Variants in BNC2 observed in about 807,000 individuals in gnomAD.
BNC2 encodes basonuclin zinc finger protein 2.
BNC2 carries 20 observed loss-of-function variants against 76.3 expected under a neutral mutation model. The observed-to-expected ratio is 0.26, with a 90% CI of 0.18 to 0.38. BNC2 has a LOEUF of 0.38. BNC2 is among the 10% of genes least tolerant of loss of function. The pLI, the probability that BNC2 is intolerant of heterozygous loss-of-function variation, is 1.00. For synonymous variants in BNC2, 582 were observed against 514.8 expected (o/e 1.13, Z -1.77); for missense variants, 1,382 against 1,399.8 (o/e 0.99, Z 0.20).
intron 1 of BNC2, among the ~76,000 whole-genome samples, chr9:16,847,400 G>GT (rs1491337137): frequency 3.4e-5 from 1 of 29,780 alleles, no homozygotes; most frequent in Non-Finnish European, 1.3e-4. Context: ...ATTTCTCGGG[G>GT]CGGGGGGGGG....
intron 3 of BNC2, among the ~76,000 whole-genome samples, chr9:16,621,675 T>A (rs180813473): frequency 2.2e-4 from 33 of 152,244 alleles, no homozygotes; most frequent in African/African-American, 6.5e-4. Context: ...ATTGGACTGG[T>A]GTCTAGACCT....
At chr9:16,762,710 A>G in intron 1 of BNC2, among the ~76,000 whole-genome samples, 1 of 152,214 alleles carries the variant, frequency 6.6e-6, no homozygotes, top group Non-Finnish European at 1.5e-5. Flanking sequence ...AAAGAGAAAG[A>G]TAACCTGACC....
chr9:16,743,953 G>A (rs1824924158), intron 1 of BNC2, among the ~76,000 whole-genome samples: 1 of 68,212 alleles, frequency 1.5e-5, no homozygotes, highest in South Asian at 5.4e-4. Context: ...CCTACAGACT[G>A]CAGTTTGTTT....
intron 1 of BNC2, among the ~76,000 whole-genome samples, chr9:16,806,095 T>C (rs1477817062): frequency 6.6e-6 from 1 of 152,172 alleles, no homozygotes; most frequent in African/African-American, 2.4e-5. Flanking sequence ...GGGAGAATAC[T>C]GAAGATTAAA....
intron 6 of BNC2, among the ~76,000 whole-genome samples, chr9:16,425,748 A>C (rs1280971402): frequency 6.6e-6 from 1 of 152,224 alleles, no homozygotes; most frequent in Non-Finnish European, 1.5e-5. Context: ...GGCAGAGGCA[A>C]ACATGTCTTT....
Position 16,422,479 on chromosome 9 carries a change from C to T in BNC2, c.2640-2830G>A, listed in dbSNP as rs188574558. ...CATAACTTCAGTACACGGGTTCATT[C>T]ATGGTAGTCGATTTCCATTATGCAA... On this transcript the variant is annotated intron_variant, in intron 6 of 6. Transcript: ENST00000380672. 2.0e-4 allele frequency among the ~76,000 whole-genome samples: 30 copies of T among 152,312 alleles called. No individual in the cohort carries two copies. In the East Asian group the frequency reaches 5.8e-3, roughly 29 times the overall value.
intron 1 of BNC2, among the ~76,000 whole-genome samples, chr9:16,797,401 A>G (rs1817684150): frequency 6.6e-6 from 1 of 152,202 alleles, no homozygotes; most frequent in African/African-American, 2.4e-5. Flanking sequence ...AAATACATAT[A>G]TGCCCCTCCC....
intron 3 of BNC2, among the ~76,000 whole-genome samples, chr9:16,609,085 G>C (rs1183501145): frequency 6.6e-6 from 1 of 152,116 alleles, no homozygotes; most frequent in Non-Finnish European, 1.5e-5. Context: ...AATGAAAGGG[G>C]ATACAGCAGG....
intron 3 of BNC2, among the ~76,000 whole-genome samples, chr9:16,658,892 A>G (rs898871671): frequency 6.6e-6 from 1 of 152,202 alleles, no homozygotes; most frequent in South Asian, 2.1e-4. Flanking sequence ...TGAAGGACAC[A>G]TTAGATTTTA....
At chr9:16,703,286 C>T (rs560801840) in intron 3 of BNC2, among the ~76,000 whole-genome samples, 1 of 152,158 alleles carries the variant, frequency 6.6e-6, no homozygotes, top group Admixed American at 6.5e-5. Flanking sequence ...ACATTAACTA[C>T]TTTTTCTAGT....
chr9:16,496,004 G>A (rs982071202), intron 5 of BNC2, among the ~76,000 whole-genome samples: 2 of 151,246 alleles, frequency 1.3e-5, no homozygotes, highest in Non-Finnish European at 2.9e-5. Flanking sequence ...CACCTCCTGG[G>A]TTCAAGTGAT....
chr9:16,640,960 A>G (rs1681548307), intron 3 of BNC2, among the ~76,000 whole-genome samples: 1 of 152,210 alleles, frequency 6.6e-6, no homozygotes, highest in Admixed American at 6.5e-5. Context: ...AGCTCTAGAA[A>G]GAGTTAAGAC....
At chr9:16,483,587 T>C (rs1822103866) in intron 5 of BNC2, among the ~76,000 whole-genome samples, 1 of 152,252 alleles carries the variant, frequency 6.6e-6, no homozygotes, top group Admixed American at 6.5e-5. Flanking sequence ...TCTCCAGAGA[T>C]GAAAATATTA....
chr9:16,789,117 G>C (rs1817430524), intron 1 of BNC2, among the ~76,000 whole-genome samples: 1 of 152,156 alleles, frequency 6.6e-6, no homozygotes, highest in Admixed American at 6.5e-5. Context: ...AAAGGAAAGA[G>C]ACAGAATTAA....
intron 4 of BNC2, among the ~76,000 whole-genome samples, chr9:16,553,967 C>T (rs1369446766): frequency 6.6e-6 from 1 of 152,042 alleles, no homozygotes; most frequent in Non-Finnish European, 1.5e-5. Context: ...ATGCATATGC[C>T]CATTTAGGAA....
At chr9:16,480,653 C>A (rs963172692) in intron 5 of BNC2, among the ~76,000 whole-genome samples, 3 of 152,208 alleles carry the variant, frequency 2.0e-5, no homozygotes, top group Non-Finnish European at 4.4e-5. Context: ...AGCACCCGGG[C>A]CAGCGGCTGC....
rs569635650 is a variant in BNC2, at chr9:16,614,245, T to C, written c.331-31160A>G. Among the ~76,000 whole-genome samples the C allele has an allele frequency of 1.9e-4, 29 of 152,262 alleles. 1 individual carries two copies. The South Asian group carries it at 5.8e-3, about 30-fold the overall frequency. On this transcript the variant is annotated intron_variant, in intron 3 of 6. Coordinates refer to ENST00000380672, the MANE Select transcript of BNC2 (RefSeq NM_017637.6). ...AACTTCTAGTAGAAATAGTTGGCCA[T>C]TGGCCAAAACTTAGAAATCTTTCTA...
intron 1 of BNC2, among the ~76,000 whole-genome samples, chr9:16,845,880 T>A (rs1416147042): frequency 1.3e-5 from 2 of 151,940 alleles, no homozygotes; most frequent in East Asian, 1.9e-4. Flanking sequence ...CCGGGCGCGG[T>A]GGCTCACGCC....
At chr9:16,813,001 G>C (rs1818090191) in intron 1 of BNC2, among the ~76,000 whole-genome samples, 2 of 152,062 alleles carry the variant, frequency 1.3e-5, no homozygotes. Context: ...CTGAGGTCAA[G>C]AGTTGGAGAC....
Sources: allele counts gnomAD v4.1 joint callset (sites outside exome capture counted in the v4.1 genomes callset), GRCh38; gene constraint gnomAD v4.1.1; transcripts MANE v1.5; gene names NCBI Gene and HGNC (gene_info 2026-07-23, HGNC 2026-07-21).